DSE: variants seen among roughly 807,000 people sequenced by gnomAD.
DSE encodes the protein dermatan-sulfate epimerase.
A neutral mutation model predicts 84.4 loss-of-function variants in DSE; 36 were observed. That is an observed-to-expected ratio of 0.43 (90% CI 0.33 to 0.56). The LOEUF (loss-of-function observed/expected upper bound fraction) is 0.56, where lower values mean the gene tolerates loss of function less well. Among genes scored for constraint, DSE ranks in the 20% least tolerant of loss-of-function variants. The probability of loss-of-function intolerance (pLI) is 0.06; values close to 1 mark genes in which losing one functional copy is unlikely to be tolerated. For missense variants in DSE, 862 were observed against 1,169.6 expected, an observed-to-expected ratio of 0.74 and a Z score of 3.84; for synonymous variants, 410 against 430.1, an observed-to-expected ratio of 0.95 and a Z score of 0.58.
intron 2 of DSE, among the ~76,000 whole-genome samples, chr6:116,267,345 A>G (rs1772668881): frequency 6.6e-6 from 1 of 152,194 alleles, no homozygotes; most frequent in African/African-American, 2.4e-5. Context: ...CAAGATGTTG[A>G]GGTAGAAGAC....
intron 1 of DSE, among the ~76,000 whole-genome samples, chr6:116,378,416 A>G (rs1347831426): frequency 1.3e-5 from 2 of 152,180 alleles, no homozygotes; most frequent in Non-Finnish European, 2.9e-5. Context: ...AAATATTTTA[A>G]TGTTTTACAT....
In DSE at chr6:116,371,013, G is replaced by T. The variant is rs1387455192; in HGVS notation, c.-162G>T. 32 of 985,544 alleles carry T rather than the reference G, an allele frequency of 3.2e-5. No individual in the cohort carries two copies. Among genetic ancestry groups the T allele is most frequent in the Non-Finnish European group, 3.7e-5 (31 of 830,098 alleles). 61.0% of individuals were successfully genotyped at this position (985,544 alleles called of 1,614,324 possible). A position where few individuals can be genotyped will look rare whatever the true frequency, so the allele number is the denominator to read the frequency against. ...GGCGCGGCGGGGGCGCGGAGGGCTC[G>T]GTTCGGAGGGGGCCGGGAGCCCGGG... On this transcript the variant is annotated 5_prime_UTR_variant, in exon 1 of 6. Coordinates refer to ENST00000644252, the MANE Select transcript of DSE (RefSeq NM_013352.4).
chr6:116,380,692 C>T (rs1242848218), intron 1 of DSE, among the ~76,000 whole-genome samples: 2 of 152,122 alleles, frequency 1.3e-5, no homozygotes, highest in African/African-American at 4.8e-5. Context: ...TTTGACACTA[C>T]AAGAAAGACA....
intron 2 of DSE, among the ~76,000 whole-genome samples, chr6:116,319,265 A>G (rs1303623806): frequency 6.6e-6 from 1 of 152,204 alleles, no homozygotes; most frequent in Non-Finnish European, 1.5e-5. Context: ...GTAGTAACAA[A>G]CCAACCTTTA....
chr6:116,260,381 A>G (rs1005234708), intron 2 of DSE, among the ~76,000 whole-genome samples: 1 of 152,184 alleles, frequency 6.6e-6, no homozygotes, highest in African/African-American at 2.4e-5. Context: ...GCTGGATATT[A>G]GACTTTTGTC....
At chr6:116,254,456 G>A (rs558368355) in intron 1 of DSE, 3 of 336,098 alleles carry the variant, frequency 8.9e-6, no homozygotes, top group Admixed American at 3.8e-5. Context: ...GAACTCACAG[G>A]CCTTCCTTCT....
At chr6:116,258,510 C>T (rs1383204705) in exon 2 of DSE, 1 of 1,210,200 alleles carries the variant, frequency 8.3e-7, no homozygotes, top group South Asian at 1.2e-5. Context: ...TTGGACTTGG[C>T]CACATGCTCC....
intron 2 of DSE, among the ~76,000 whole-genome samples, chr6:116,342,892 T>C (rs1777699159): frequency 6.6e-6 from 1 of 152,152 alleles, no homozygotes; most frequent in African/African-American, 2.4e-5. Flanking sequence ...TTCCCTTTCC[T>C]AGCCAAGGAA....
At chr6:116,435,240 C>G (rs1784072609) in intron 5 of DSE, among the ~76,000 whole-genome samples, 1 of 152,172 alleles carries the variant, frequency 6.6e-6, no homozygotes, top group Non-Finnish European at 1.5e-5. Flanking sequence ...AGAGGAGCCC[C>G]TCAACCAGAA....
chr6:116,262,801 G>A (rs1315997082), intron 2 of DSE, among the ~76,000 whole-genome samples: 2 of 152,028 alleles, frequency 1.3e-5, no homozygotes, highest in Non-Finnish European at 2.9e-5. Context: ...CAGAGATTCT[G>A]GTATGTTGTC....
intron 2 of DSE, among the ~76,000 whole-genome samples, chr6:116,333,190 G>T (rs1057296134): frequency 6.6e-6 from 1 of 152,160 alleles, no homozygotes; most frequent in African/African-American, 2.4e-5. Context: ...CCTATTTTTT[G>T]TCTTGTCTTA....
In DSE at chr6:116,440,910, A is replaced by AG. The variant is rs1041667217; in HGVS notation, c.*3571dup. On this transcript the variant is annotated 3_prime_UTR_variant, in exon 6 of 6. Transcript: ENST00000644252. Reference sequence around the variant, plus strand: ...AGATGAGGAAAGCAAGCCTCAAGCAAGGGGGGCCTGATCCTTTCCCTGTTC... The same window carrying AG: ...AGATGAGGAAAGCAAGCCTCAAGCAAGGGGGGGCCTGATCCTTTCCCTGTTC... 5 of 152,286 alleles carry AG rather than the reference A, an allele frequency of 3.3e-5. No individual in the cohort carries two copies. Among genetic ancestry groups the AG allele is most frequent in the African/African-American group, 1.2e-4 (5 of 41,568 alleles). The allele number at this position is 152,286 out of a possible 1,614,324, so 9.4% of individuals were successfully genotyped here.
At chr6:116,279,902 G>T in intron 2 of DSE, 2 of 1,597,764 alleles carry the variant, frequency 1.3e-6, no homozygotes, top group South Asian at 1.1e-5. Context: ...GCTAACCGCC[G>T]CTCGCACCGC....
intron 2 of DSE, among the ~76,000 whole-genome samples, chr6:116,423,584 G>C (rs998110408): frequency 2.6e-5 from 4 of 152,180 alleles, no homozygotes; most frequent in African/African-American, 9.7e-5. Flanking sequence ...ATTAATGTCT[G>C]TCTGTTTTTT....
At chr6:116,409,940 A>G (rs1395089811) in intron 2 of DSE, among the ~76,000 whole-genome samples, 1 of 152,164 alleles carries the variant, frequency 6.6e-6, no homozygotes, top group African/African-American at 2.4e-5. Context: ...AAAAGAAAGC[A>G]GAGTGCTTTT....
At chr6:116,391,414 G>A (rs976243210) in intron 1 of DSE, among the ~76,000 whole-genome samples, 1 of 151,966 alleles carries the variant, frequency 6.6e-6, no homozygotes, top group African/African-American at 2.4e-5. Context: ...TTCATATTGT[G>A]GATTTTTGTT....
chr6:116,414,734 A>G (rs1047681149), intron 2 of DSE, among the ~76,000 whole-genome samples: 1 of 152,208 alleles, frequency 6.6e-6, no homozygotes, highest in African/African-American at 2.4e-5. Flanking sequence ...TTAACAAGGC[A>G]AAAGTTATTG....
chr6:116,423,313 G>C (rs890306991), intron 2 of DSE, among the ~76,000 whole-genome samples: 6 of 152,200 alleles, frequency 3.9e-5, no homozygotes, highest in Non-Finnish European at 8.8e-5. Context: ...GTGTGATTGA[G>C]ATTTGTAGAA....
intron 2 of DSE, chr6:116,259,193 TTAC>T: frequency 3.0e-6 from 2 of 664,106 alleles, no homozygotes; most frequent in East Asian, 5.5e-5. Flanking sequence ...AAGAGCAAAC[TTAC>T]TTGTAATTTA....
Sources: allele counts gnomAD v4.1 joint callset (sites outside exome capture counted in the v4.1 genomes callset), GRCh38; gene constraint gnomAD v4.1.1; transcripts MANE v1.5; gene names NCBI Gene and HGNC (gene_info 2026-07-23, HGNC 2026-07-21).